SGCZ: variants seen among roughly 807,000 people sequenced by gnomAD.
The protein encoded by SGCZ is sarcoglycan zeta.
In SGCZ, 40 loss-of-function variants were observed where a neutral mutation model predicts 41.3. The observed-to-expected ratio is 0.97, with a 90% CI of 0.75 to 1.26. The LOEUF (loss-of-function observed/expected upper bound fraction) is 1.26, where lower values mean the gene tolerates loss of function less well. Among genes scored for constraint, SGCZ ranks in the 50% most tolerant of loss-of-function variants. The probability of loss-of-function intolerance (pLI) is 0.00; values close to 1 mark genes in which losing one functional copy is unlikely to be tolerated. For missense variants in SGCZ, 552 were observed against 369.8 expected (o/e 1.49, Z -4.04); for synonymous variants, 206 against 137.5 (o/e 1.50, Z -3.49).
At chr8:14,099,408 A>T (rs1044016767) in intron 7 of SGCZ, among the ~76,000 whole-genome samples, 1 of 152,126 alleles carries the variant, frequency 6.6e-6, no homozygotes, top group Non-Finnish European at 1.5e-5. Flanking sequence ...ACCTGTTGAA[A>T]TCCGGCCCGG....
Position 14,114,199 on chromosome 8 carries a change from A to G in SGCZ, c.548-5964T>C, listed in dbSNP as rs185783696. Among the ~76,000 whole-genome samples, 193 of 152,176 alleles carry G rather than the reference A, an allele frequency of 1.3e-3. 1 individual carries two copies. The highest frequency in any genetic ancestry group is 4.4e-3 in the African/African-American group (182 of 41,572). ...GTTAAGGATCAGTAAATTAAAGAAC[A>G]TGAATAAAATAATTAACAAAAGCAT... On this transcript the variant is annotated intron_variant, in intron 5 of 7. Coordinates refer to ENST00000382080, the MANE Select transcript of SGCZ (RefSeq NM_139167.4).
At chr8:14,460,272 G>A (rs1800864378) in intron 2 of SGCZ, among the ~76,000 whole-genome samples, 4 of 152,080 alleles carry the variant, frequency 2.6e-5, no homozygotes. Context: ...CAAATAAAAG[G>A]GAATGAAAAC....
chr8:15,188,714 C>T (rs1305658742), intron 1 of SGCZ, among the ~76,000 whole-genome samples: 1 of 152,080 alleles, frequency 6.6e-6, no homozygotes, highest in Non-Finnish European at 1.5e-5. Flanking sequence ...GCCATTTTCA[C>T]AGGAAAAATA....
intron 7 of SGCZ, among the ~76,000 whole-genome samples, chr8:14,096,649 C>G (rs1358368919): frequency 2.0e-5 from 3 of 152,102 alleles, no homozygotes; most frequent in African/African-American, 4.8e-5. Flanking sequence ...CCCTCTTTTT[C>G]TATTGATTGG....
chr8:15,197,364 C>A (rs996698727), intron 1 of SGCZ, among the ~76,000 whole-genome samples: 1 of 152,168 alleles, frequency 6.6e-6, no homozygotes, highest in Non-Finnish European at 1.5e-5. Flanking sequence ...AAGGATATAA[C>A]ATCTTCACGA....
intron 1 of SGCZ, among the ~76,000 whole-genome samples, chr8:15,063,365 CT>C (rs1805009482): frequency 6.6e-6 from 1 of 151,962 alleles, no homozygotes; most frequent in Admixed American, 6.6e-5. Context: ...TTTTGCATAG[CT>C]TTTAAAAAGG....
At chr8:14,327,034 T>C (rs1802144156) in intron 2 of SGCZ, among the ~76,000 whole-genome samples, 1 of 152,202 alleles carries the variant, frequency 6.6e-6, no homozygotes, top group Non-Finnish European at 1.5e-5. Flanking sequence ...ATTATTTTTC[T>C]CATTGAAGCA....
rs113356599 is a variant in SGCZ at position 14,374,908 on chromosome 8, G to A, written c.235-50704C>T. Among the ~76,000 whole-genome samples the A allele has an allele frequency of 6.8e-3, 1,038 of 152,296 alleles. 15 individuals are homozygous for A. The highest frequency in any genetic ancestry group is 0.024 in the African/African-American group (980 of 41,556). On this transcript the variant is annotated intron_variant, in intron 2 of 7. Coordinates refer to ENST00000382080, the MANE Select transcript of SGCZ (RefSeq NM_139167.4). ...ATTGTTCAAATTTCAGAATGAGAGG[G>A]AGATAGCAGCAAAGTAGGAGATGGA...
Position 14,092,303 on chromosome 8 carries a change from TC to T in SGCZ, c.745-1667del, listed in dbSNP as rs201488543. On this transcript the variant is annotated intron_variant, in intron 7 of 7. Coordinates refer to ENST00000382080, the MANE Select transcript of SGCZ (RefSeq NM_139167.4). ...TTAGGATTGTCTTGGTTATGTGGGC[TC>T]TTTTTTGGTTCCATATGAAATTTAA... 2.0e-5 allele frequency among the ~76,000 whole-genome samples: 3 copies of T among 152,268 alleles called. No individual in the cohort carries two copies. The East Asian group carries it at 5.8e-4, about 29-fold the overall frequency.
At chr8:14,459,076 G>A (rs918809472) in intron 2 of SGCZ, among the ~76,000 whole-genome samples, 1 of 152,170 alleles carries the variant, frequency 6.6e-6, no homozygotes, top group African/African-American at 2.4e-5. Flanking sequence ...ATGTCCATTA[G>A]TTGGTTATAA....
At chr8:14,733,467 C>A (rs1179837352) in intron 1 of SGCZ, among the ~76,000 whole-genome samples, 1 of 152,126 alleles carries the variant, frequency 6.6e-6, no homozygotes, top group Admixed American at 6.5e-5. Flanking sequence ...GCATTCATGT[C>A]CATATCTGTG....
chr8:15,060,771 C>G (rs548222750), intron 1 of SGCZ, among the ~76,000 whole-genome samples: 4 of 150,670 alleles, frequency 2.7e-5, no homozygotes, highest in Admixed American at 6.6e-5. Context: ...TTACATTCTT[C>G]TAAAGAGGGT....
At chr8:14,092,043 C>T (rs1801703797) in intron 7 of SGCZ, among the ~76,000 whole-genome samples, 2 of 152,094 alleles carry the variant, frequency 1.3e-5, no homozygotes, top group African/African-American at 4.8e-5. Context: ...TATGGCTAGC[C>T]AGTTTTCCCA....
intron 1 of SGCZ, among the ~76,000 whole-genome samples, chr8:14,765,805 A>G (rs1187174682): frequency 6.6e-6 from 1 of 152,186 alleles, no homozygotes; most frequent in East Asian, 1.9e-4. Context: ...AAAAATCCCA[A>G]CTATCACACA....
At chr8:14,842,135 A>G (rs1286348772) in intron 1 of SGCZ, among the ~76,000 whole-genome samples, 1 of 152,230 alleles carries the variant, frequency 6.6e-6, no homozygotes, top group East Asian at 1.9e-4. Context: ...ATGAAACTTT[A>G]GCCAGAACAC....
intron 1 of SGCZ, among the ~76,000 whole-genome samples, chr8:14,800,841 A>C (rs1801298901): frequency 6.6e-6 from 1 of 152,182 alleles, no homozygotes; most frequent in Non-Finnish European, 1.5e-5. Flanking sequence ...CAACATTAAA[A>C]AATTCAAAAT....
chr8:14,147,507 G>C (rs575950918), intron 5 of SGCZ, among the ~76,000 whole-genome samples: 1 of 152,200 alleles, frequency 6.6e-6, no homozygotes, highest in Non-Finnish European at 1.5e-5. Flanking sequence ...GATTCAGCAA[G>C]AGGATATAAC....
chr8:14,552,114 G>T (rs1285385449), intron 2 of SGCZ, among the ~76,000 whole-genome samples: 2 of 151,832 alleles, frequency 1.3e-5, no homozygotes, highest in Admixed American at 6.6e-5. Flanking sequence ...CTATAGTGTG[G>T]CAACTAGTCT....
intron 2 of SGCZ, among the ~76,000 whole-genome samples, chr8:14,500,706 C>T (rs1378057579): frequency 6.6e-6 from 1 of 151,648 alleles, no homozygotes; most frequent in East Asian, 1.9e-4. Context: ...TGATTATTTC[C>T]CATGTAAAAA....
Sources: allele counts gnomAD v4.1 joint callset (sites outside exome capture counted in the v4.1 genomes callset), GRCh38; gene constraint gnomAD v4.1.1; transcripts MANE v1.5; gene names NCBI Gene and HGNC (gene_info 2026-07-23, HGNC 2026-07-21).